PTPRG: variants seen among roughly 807,000 people sequenced by gnomAD.
PTPRG encodes receptor-type tyrosine-protein phosphatase gamma.
PTPRG carries 102 observed loss-of-function variants against 165.3 expected under a neutral mutation model. The observed-to-expected ratio is 0.62, with a 90% CI of 0.53 to 0.73. PTPRG has a LOEUF of 0.73. PTPRG is among the 30% of genes least tolerant of loss of function. The pLI, the probability that PTPRG is intolerant of heterozygous loss-of-function variation, is 0.00. For missense variants in PTPRG, 1,866 were observed against 1,861.4 expected (o/e 1.00, Z -0.05); for synonymous variants, 675 against 669.5 (o/e 1.01, Z -0.13).
At chr3:62,105,213 A>C (rs1702431940) in intron 5 of PTPRG, among the ~76,000 whole-genome samples, 2 of 152,310 alleles carry the variant, frequency 1.3e-5, no homozygotes, top group Non-Finnish European at 2.9e-5. Flanking sequence ...AAAGACAAAT[A>C]ACATGTTTTA....
intron 9 of PTPRG, among the ~76,000 whole-genome samples, chr3:62,192,522 CCT>C (rs1268907290): frequency 6.7e-6 from 1 of 150,284 alleles, no homozygotes; most frequent in Non-Finnish European, 1.5e-5. Flanking sequence ...CATTCTCCTG[CCT>C]CAGCCTCCCA....
At chr3:61,669,889 G>A (rs1424905029) in intron 1 of PTPRG, among the ~76,000 whole-genome samples, 1 of 152,146 alleles carries the variant, frequency 6.6e-6, no homozygotes, top group Non-Finnish European at 1.5e-5. Flanking sequence ...TGCAGGTGGT[G>A]ATCAGTGTGC....
intron 7 of PTPRG, among the ~76,000 whole-genome samples, chr3:62,159,840 T>A (rs1298682527): frequency 6.6e-6 from 1 of 152,220 alleles, no homozygotes; most frequent in Non-Finnish European, 1.5e-5. Flanking sequence ...ACAGCTCATA[T>A]TCATGTGGCC....
At chr3:61,919,508 T>C (rs2107557525) in intron 2 of PTPRG, among the ~76,000 whole-genome samples, 1 of 152,308 alleles carries the variant, frequency 6.6e-6, no homozygotes, top group East Asian at 1.9e-4. Flanking sequence ...TGGAGTTTCC[T>C]ACTTAATGAT....
At chr3:62,170,209 G>A (rs151077115) in intron 8 of PTPRG, among the ~76,000 whole-genome samples, 66 of 152,102 alleles carry the variant, frequency 4.3e-4, no homozygotes, top group African/African-American at 1.3e-3. Context: ...TTGGGCTGCC[G>A]TGGAAAACCT....
chr3:62,001,349 A>G (rs572148512), intron 3 of PTPRG, among the ~76,000 whole-genome samples: 3 of 152,364 alleles, frequency 2.0e-5, no homozygotes, highest in Admixed American at 6.5e-5. Flanking sequence ...TGACAGAGAT[A>G]TAAATGATTT....
intron 2 of PTPRG, among the ~76,000 whole-genome samples, chr3:61,899,961 C>A (rs148034280): frequency 4.1e-4 from 63 of 152,274 alleles, no homozygotes; most frequent in African/African-American, 9.9e-4. Flanking sequence ...TACTTTACAT[C>A]GTTGTGAAGA....
At chr3:61,821,817 A>T (rs1414008850) in intron 2 of PTPRG, among the ~76,000 whole-genome samples, 1 of 152,320 alleles carries the variant, frequency 6.6e-6, no homozygotes, top group East Asian at 1.9e-4. Context: ...TACTAGTATT[A>T]TATCACTGGA....
chr3:61,953,391 A>G (rs1263588103), intron 2 of PTPRG, among the ~76,000 whole-genome samples: 1 of 152,192 alleles, frequency 6.6e-6, no homozygotes, highest in African/African-American at 2.4e-5. Flanking sequence ...TTGCTGGTCA[A>G]TTTCGCCATT....
At chr3:61,949,067 C>A (rs954316543) in intron 2 of PTPRG, among the ~76,000 whole-genome samples, 1 of 149,120 alleles carries the variant, frequency 6.7e-6, no homozygotes. Flanking sequence ...AGCCATGGGA[C>A]CTTAGCATGT....
chr3:61,969,315 T>C (rs1483028563), intron 2 of PTPRG, among the ~76,000 whole-genome samples: 1 of 152,176 alleles, frequency 6.6e-6, no homozygotes, highest in African/African-American at 2.4e-5. Context: ...ATGTAAGGTC[T>C]GGGGTAGAGG....
intron 5 of PTPRG, among the ~76,000 whole-genome samples, chr3:62,119,787 A>ATTTTTTTTTTTTTTT (rs34842750): frequency 2.7e-5 from 3 of 111,728 alleles, no homozygotes; most frequent in South Asian, 3.2e-4. Context: ...CGCCTGGCTA[A>ATTTTTTTTTTTTTTT]TTTTTTTTTT....
rs141849463 is a variant in PTPRG at position 61,715,504 on chromosome 3, C to T, written c.86-33374C>T. ...AAAGTGCTGAGATTACTGGTGTGAG[C>T]CACCGCGTCTGGCCCTCAGGAAGGT... On this transcript the variant is annotated intron_variant, in intron 1 of 29. Transcript: ENST00000474889. 3.3e-3 allele frequency among the ~76,000 whole-genome samples: 507 copies of T among 152,244 alleles called. 3 individuals carry two copies. Among genetic ancestry groups the T allele is most frequent in the African/African-American group, 0.011 (457 of 41,564 alleles).
chr3:61,568,498 A>AT (rs1404409304), intron 1 of PTPRG, among the ~76,000 whole-genome samples: 1 of 152,190 alleles, frequency 6.6e-6, no homozygotes, highest in African/African-American at 2.4e-5. Flanking sequence ...ACCTGGTATC[A>AT]TTTGTGGCAA....
intron 2 of PTPRG, among the ~76,000 whole-genome samples, chr3:61,941,474 T>C (rs1173404608): frequency 6.6e-6 from 1 of 152,054 alleles, no homozygotes; most frequent in African/African-American, 2.4e-5. Flanking sequence ...ATACAAAAAA[T>C]TAGCCGGGCA....
At chr3:62,074,806 G>GCA (rs2106741502) in intron 4 of PTPRG, among the ~76,000 whole-genome samples, 1 of 152,196 alleles carries the variant, frequency 6.6e-6, no homozygotes, top group African/African-American at 2.4e-5. Context: ...AGGGCTCTGG[G>GCA]CACAGTTCAT....
chr3:62,066,605 G>A (rs371552085), intron 4 of PTPRG, among the ~76,000 whole-genome samples: 1 of 152,138 alleles, frequency 6.6e-6, no homozygotes, highest in South Asian at 2.1e-4. Flanking sequence ...TGTGTCCAAG[G>A]CGTTAAGCTC....
At chr3:62,052,149 T>C (rs959205185) in intron 4 of PTPRG, among the ~76,000 whole-genome samples, 5 of 152,198 alleles carry the variant, frequency 3.3e-5, no homozygotes, top group African/African-American at 4.8e-5. Context: ...TAACCATAAG[T>C]CTCATCTGCA....
At chr3:62,056,493 C>T (rs567205150) in intron 4 of PTPRG, among the ~76,000 whole-genome samples, 2 of 152,054 alleles carry the variant, frequency 1.3e-5, no homozygotes, top group South Asian at 2.1e-4. Flanking sequence ...CCATTGTGGC[C>T]TAGGGAAGCC....
Sources: gnomAD v4.1 joint callset for allele counts (sites outside exome capture counted in the v4.1 genomes callset) on GRCh38, gnomAD v4.1.1 for gene constraint, MANE v1.5 for transcripts, NCBI Gene and HGNC (gene_info 2026-07-23, HGNC 2026-07-21) for gene names.